The following LRRC56 variants were observed in gnomAD, a reference collection of about 807,000 sequenced individuals.
LRRC56 encodes the protein leucine rich repeat containing 56.
Under a neutral mutation model 47.8 loss-of-function variants are expected in LRRC56, and 41 were observed. The observed-to-expected ratio is 0.86, with a 90% confidence interval of 0.67 to 1.11. The LOEUF (loss-of-function observed/expected upper bound fraction) is 1.11. LRRC56 is among the 50% of genes most tolerant of loss of function. The probability of loss-of-function intolerance (pLI) is 0.00; values close to 1 mark genes in which losing one functional copy is unlikely to be tolerated. For missense variants in LRRC56, 759 were observed against 704.2 expected, an observed-to-expected ratio of 1.08 and a Z score of -0.88; for synonymous variants, 387 against 311.2, an observed-to-expected ratio of 1.24 and a Z score of -2.56.
At chr11:511,378 G>A in the LRRC56 span, among the ~76,000 whole-genome samples, 4 of 151,948 alleles carry the variant, frequency 2.6e-5, no homozygotes, top group South Asian at 2.1e-4. Flanking sequence ...AAATATTTGA[G>A]AATTCAACTT....
the LRRC56 span, among the ~76,000 whole-genome samples, chr11:530,135 C>T: frequency 6.6e-6 from 1 of 152,160 alleles, no homozygotes; most frequent in South Asian, 2.1e-4. Context: ...TGGGCCCTGA[C>T]CCCTCCACGT....
At position 551,217 on chromosome 11, in the gene LRRC56, A is replaced by G. The variant is rs2134064465; in HGVS notation, c.711A>G (p.Thr237=). 6.5e-7 allele frequency: 1 copy of G among 1,546,530 alleles called. No individual in the cohort carries two copies. Among genetic ancestry groups the G allele is most frequent in the Non-Finnish European group, 8.7e-7 (1 of 1,144,668 alleles). ...QVLDEVPAAH[T]GPPAPPRLSQ... ...TGGACGAAGTGCCGGCCGCACACAC[A>G]GGCCCACCGGCCCCCCCGCGGCTGA... Residue 237 remains threonine (T), a synonymous_variant, in exon 9 of 14, where the codon ACA becomes ACG. Transcript: ENST00000270115.
chr11:554,740 C>G lies in LRRC56; in HGVS notation c.*464C>G. 2.1e-6 allele frequency: 1 copy of G among 480,780 alleles called. No individual in the cohort carries two copies. The highest frequency in any genetic ancestry group is 3.7e-6 in the Non-Finnish European group (1 of 271,028). 29.8% of individuals were successfully genotyped at this position (480,780 alleles called of 1,614,324 possible). Reference sequence around the variant, plus strand: ...GCCTGAGGCCGCCGGGGGTGCGGTCCAGGCCTCCCGTCTCCGGGGGATCTG... The same window carrying G: ...GCCTGAGGCCGCCGGGGGTGCGGTCGAGGCCTCCCGTCTCCGGGGGATCTG... On this transcript the variant is annotated 3_prime_UTR_variant, in exon 14 of 14. Coordinates refer to ENST00000270115, the MANE Select transcript of LRRC56 (RefSeq NM_198075.4).
At chr11:532,486 C>G in the LRRC56 span, 1 of 1,078,778 alleles carries the variant, frequency 9.3e-7, no homozygotes, top group Non-Finnish European at 1.3e-6. Context: ...TCTGCACCTC[C>G]TTCCTGCATC....
chr11:534,560 C>T (rs1851339341), upstream of LRRC56: 1 of 588,820 alleles, frequency 1.7e-6, no homozygotes, highest in African/African-American at 1.9e-5. Context: ...TGTCGCCTCG[C>T]CCCCACTTGC....
At chr11:529,500 TGAGGGATCCCTG>T in the LRRC56 span, 1 of 152,254 alleles carries the variant, frequency 6.6e-6, no homozygotes, top group African/African-American at 2.4e-5. Flanking sequence ...TTGTGGACAA[TGAGGGATCCCTG>T]GAGGGATGCC....
At chr11:516,109 T>A in the LRRC56 span, among the ~76,000 whole-genome samples, 1 of 152,072 alleles carries the variant, frequency 6.6e-6, no homozygotes, top group East Asian at 1.9e-4. Context: ...ATAACACATC[T>A]TGGGCCAGGT....
chr11:547,308 T>A (rs1343181144), intron 6 of LRRC56, among the ~76,000 whole-genome samples: 1 of 138,740 alleles, frequency 7.2e-6, no homozygotes, highest in African/African-American at 2.9e-5. Context: ...CTAATGGAGA[T>A]GGCTGTACTT....
intron 13 of LRRC56, among the ~76,000 whole-genome samples, chr11:553,381 G>A (rs1852534659): frequency 6.6e-6 from 1 of 152,160 alleles, no homozygotes; most frequent in Admixed American, 6.5e-5. Context: ...AGGGAACAGG[G>A]CAGGCCAAGC....
the LRRC56 span, among the ~76,000 whole-genome samples, chr11:530,988 G>A: frequency 5.3e-5 from 3 of 56,434 alleles, no homozygotes; most frequent in Admixed American, 1.6e-4. Flanking sequence ...CCAGTGTGGC[G>A]TCCCCTGGAG....
At chr11:531,260 G>A in the LRRC56 span, among the ~76,000 whole-genome samples, 1 of 152,212 alleles carries the variant, frequency 6.6e-6, no homozygotes, top group East Asian at 1.9e-4. Flanking sequence ...GCCAGCCAGC[G>A]GCATGCCCTG....
chr11:550,275 G>A lies in LRRC56; in HGVS notation c.624+3G>A, dbSNP rs771537043. 3 of 1,565,044 alleles carry A rather than the reference G, an allele frequency of 1.9e-6. No individual in the cohort carries two copies. Among genetic ancestry groups the A allele is most frequent in the East Asian group, 4.6e-5 (2 of 43,424 alleles). ...CGGCCCCTGGCCCCACCAACAAGGT[G>A]CGTGTCCCGGGCACCCGGCCAGCAT... is the stretch of plus-strand genomic sequence containing the variant. On this transcript the variant is annotated splice_donor_region_variant and intron_variant, in intron 8 of 13. Coordinates refer to ENST00000270115, the MANE Select transcript of LRRC56 (RefSeq NM_198075.4).
the LRRC56 span, among the ~76,000 whole-genome samples, chr11:518,688 G>C: frequency 1.8e-4 from 27 of 152,106 alleles, no homozygotes; most frequent in African/African-American, 6.3e-4. Context: ...AGGCACGCAC[G>C]AGCCGACACC....
the LRRC56 span, among the ~76,000 whole-genome samples, chr11:518,116 T>C: frequency 6.6e-6 from 1 of 152,132 alleles, no homozygotes; most frequent in African/African-American, 2.4e-5. Flanking sequence ...TATTATCCTA[T>C]GACCCTGCCA....
chr11:550,018 G>A lies in LRRC56; in HGVS notation c.423+20G>A. 2.5e-6 allele frequency: 4 copies of A among 1,611,460 alleles called. No individual in the cohort carries two copies. The highest frequency in any genetic ancestry group is 2.5e-6 in the Non-Finnish European group (3 of 1,178,708). On this transcript the variant is annotated intron_variant, in intron 7 of 13. Coordinates refer to ENST00000270115, the MANE Select transcript of LRRC56 (RefSeq NM_198075.4). Reference sequence around the variant, plus strand: ...CTTAAGGTGAGTCTGGGCACCCTGGGCTGGGGAGGCCTGGGCTGGGCCGGG... The same window carrying A: ...CTTAAGGTGAGTCTGGGCACCCTGGACTGGGGAGGCCTGGGCTGGGCCGGG...
At chr11:532,276 T>C in the LRRC56 span, 4 of 454,746 alleles carry the variant, frequency 8.8e-6, no homozygotes, top group Admixed American at 1.0e-4. Flanking sequence ...TGATCCCATC[T>C]GTGCCCGACA....
upstream of LRRC56, chr11:534,487 C>T (rs563204282): frequency 2.4e-5 from 15 of 625,876 alleles, no homozygotes; most frequent in African/African-American, 3.7e-5. Context: ...TGGGCCCCAA[C>T]GCCAGGCAGC....
At chr11:549,638 C>G (rs1852270354) in intron 6 of LRRC56, among the ~76,000 whole-genome samples, 1 of 152,224 alleles carries the variant, frequency 6.6e-6, no homozygotes, top group African/African-American at 2.4e-5. Context: ...GACTGAGCCA[C>G]CCACTATGAG....
chr11:524,563 G>A, the LRRC56 span, among the ~76,000 whole-genome samples: 6 of 152,018 alleles, frequency 3.9e-5, no homozygotes, highest in East Asian at 1.9e-4. Context: ...CCCGGGAGGC[G>A]GAGGTTGTAG....
Sources: allele counts gnomAD v4.1 joint callset (sites outside exome capture counted in the v4.1 genomes callset), GRCh38; gene constraint gnomAD v4.1.1; transcripts MANE v1.5; gene names NCBI Gene and HGNC (gene_info 2026-07-23, HGNC 2026-07-21).